The following DVL3 variants were observed in gnomAD, a reference collection of about 807,000 sequenced individuals.
DVL3 encodes the protein segment polarity protein dishevelled homolog DVL-3.
DVL3 carries 27 observed loss-of-function variants against 67.4 expected under a neutral mutation model. That is an observed-to-expected ratio of 0.40 (90% CI 0.30 to 0.55). The LOEUF (loss-of-function observed/expected upper bound fraction) is 0.55. Among genes scored for constraint, DVL3 ranks in the 20% least tolerant of loss-of-function variants. The pLI is 0.46. For synonymous variants in DVL3, 369 were observed against 396.8 expected (o/e 0.93, Z 0.83); for missense variants, 819 against 1,021.5 (o/e 0.80, Z 2.70).
Position 184,166,786 on chromosome 3 carries a change from G to A in DVL3, c.1049-40G>A. 6.2e-7 allele frequency: 1 copy of A among 1,613,430 alleles called. No individual in the cohort carries two copies. Among genetic ancestry groups the A allele is most frequent in the Non-Finnish European group, 8.5e-7 (1 of 1,179,660 alleles). On this transcript the variant is annotated intron_variant, in intron 10 of 14. Coordinates refer to ENST00000313143, the MANE Select transcript of DVL3 (RefSeq NM_004423.4). This position sits in a 1 kb window ranked among gnomAD's most constrained non-coding sequence, Gnocchi z 6.7. ...ATCTATCCTGTTGGGCCCAGCAGTG[G>A]GTGGGGTGGGTAGCCCATGACTCCT...
At position 184,165,169 on chromosome 3, in the gene DVL3, G is replaced by A. The variant is rs527755037; in HGVS notation, c.656G>A (p.Arg219Gln). ...TCACGCCTGATGAGAAGACACAAGC[G>A]GCGGCGGCGGAAGCAGAAGGTTTCT... ...SASRLMRRHK[R>Q]RRRKQKVSRI... Residue 219 changes from arginine to glutamine, a missense_variant, in exon 6 of 15, where the codon CGG becomes CAG. Coordinates refer to ENST00000313143, the MANE Select transcript of DVL3 (RefSeq NM_004423.4). The surrounding 1 kb of genome is among the most constrained non-coding windows in gnomAD (Gnocchi z 4.1). The A allele has an allele frequency of 5.0e-6, 8 of 1,604,162 alleles. No homozygotes were observed. In the East Asian group the frequency reaches 6.7e-5, roughly 13 times the overall value.
chr3:184,166,069 C>T lies in DVL3; in HGVS notation c.764-57C>T. On this transcript the variant is annotated intron_variant, in intron 7 of 14. Coordinates refer to ENST00000313143, the MANE Select transcript of DVL3 (RefSeq NM_004423.4). The surrounding 1 kb of genome is among the most constrained non-coding windows in gnomAD (Gnocchi z 6.7). ...CTGTCCCTTTCCATTTTCTAATGGG[C>T]TGGGAATGCGGGTAGGAACCTTGCT... is the stretch of plus-strand genomic sequence containing the variant. 1.3e-6 allele frequency: 2 copies of T among 1,588,504 alleles called. No homozygotes were observed. Among genetic ancestry groups the T allele is most frequent in the Non-Finnish European group, 1.7e-6 (2 of 1,170,194 alleles).
intron 1 of DVL3, chr3:184,157,163 G>A (rs1483886360): frequency 1.3e-5 from 2 of 152,806 alleles, no homozygotes; most frequent in African/African-American, 4.8e-5. Context: ...GGTGCTCCTG[G>A]TGTGATAATG....
Position 184,164,460 on chromosome 3 carries a change from G to A in DVL3, c.354-32G>A, listed in dbSNP as rs770288075. On this transcript the variant is annotated intron_variant, in intron 3 of 14. Coordinates refer to ENST00000313143, the MANE Select transcript of DVL3 (RefSeq NM_004423.4). This position sits in a 1 kb window ranked among gnomAD's most constrained non-coding sequence, Gnocchi z 5.3. ...GGCTGGGGGAGGGAGCCCCCAGCCT[G>A]CCCCCTCCCCCATCAAGTCTCTTCC... The A allele has an allele frequency of 6.3e-6, 10 of 1,598,454 alleles. No individual in the cohort carries two copies. Among genetic ancestry groups the A allele is most frequent in the Non-Finnish European group, 5.1e-6 (6 of 1,172,148 alleles).
rs995863020 is a variant in DVL3, at chr3:184,163,851, A to G, written c.231+125A>G. 7 of 819,170 alleles carry G rather than the reference A, an allele frequency of 8.5e-6. No individual in the cohort carries two copies. The highest frequency in any genetic ancestry group is 2.5e-5 in the East Asian group (1 of 39,600). 50.7% of individuals were successfully genotyped at this position (819,170 alleles called of 1,614,324 possible). On this transcript the variant is annotated intron_variant, in intron 2 of 14. Transcript: ENST00000313143. The surrounding 1 kb of genome is among the most constrained non-coding windows in gnomAD (Gnocchi z 4.5). ...ATCTGAATCTTTCTTTAGTTTTGCAAATGAACTGCTTCTCACCCCAGATTC... is the reference window on the plus strand; with the variant it reads ...ATCTGAATCTTTCTTTAGTTTTGCAGATGAACTGCTTCTCACCCCAGATTC...
chr3:184,164,857 C>G lies in DVL3; in HGVS notation c.525C>G (p.Ser175Arg), dbSNP rs1315896666. The G allele has an allele frequency of 6.2e-7, 1 of 1,614,198 alleles. No homozygotes were observed. Residue 175 changes from serine (S) to arginine (R), a missense_variant, in exon 5 of 15, where the codon AGC becomes AGG. This residue lies in a region of DVL3 where 385 missense variants were observed against 486.8 expected (regional missense o/e 0.79). Transcript: ENST00000313143. This position sits in a 1 kb window ranked among gnomAD's most constrained non-coding sequence, Gnocchi z 5.3. ...GGCGAGAACCAGGGGGTTATGATAG[C>G]TCATCCACCCTTATGAGCAGTGAGC... ...ERRREPGGYD[S>R]SSTLMSSELE... is the part of the protein sequence containing the mutation.
chr3:184,170,384 G>C lies in DVL3; in HGVS notation c.1780G>C (p.Gly594Arg). The C allele has an allele frequency of 6.2e-7, 1 of 1,604,648 alleles. No individual in the cohort carries two copies. Among genetic ancestry groups the C allele is most frequent in the Non-Finnish European group, 8.5e-7 (1 of 1,175,940 alleles). Residue 594 changes from glycine to arginine, a missense_variant, in exon 15 of 15, where the codon GGG becomes CGG. Physicochemically the swap from Gly to Arg is moderately radical, Grantham distance 125 (BLOSUM62 -2). Around this residue, in one of 3 missense-constraint regions of DVL3, gnomAD observed 324 missense variants for 331.3 expected, o/e 0.98. Transcript: ENST00000313143. The surrounding 1 kb of genome is among the most constrained non-coding windows in gnomAD (Gnocchi z 6.5). Reference protein sequence around the residue: ...DRRKEKDPKAGDSKSGGSGSE... With the variant: ...DRRKEKDPKARDSKSGGSGSE... ...GAGGAAGGAGAAGGACCCGAAGGCC[G>C]GGGACTCCAAGTCCGGGGGCAGCGG...
At chr3:184,158,563 C>T (rs1381104225) in intron 1 of DVL3, among the ~76,000 whole-genome samples, 1 of 152,050 alleles carries the variant, frequency 6.6e-6, no homozygotes, top group Non-Finnish European at 1.5e-5. Context: ...ACAAGGCCAC[C>T]ATTTCTCCGA....
chr3:184,166,953 C>T lies in DVL3; in HGVS notation c.1176C>T (p.Thr392=). Reference sequence around the variant, plus strand: ...TCACCTCCACCAGCTCCTCCATCACCAGTTCCATCCCTGACACAGAGCGTG... The same window carrying T: ...TCACCTCCACCAGCTCCTCCATCACTAGTTCCATCCCTGACACAGAGCGTG... ...STITSTSSSI[T]SSIPDTERLD... Residue 392 remains threonine (T), a synonymous_variant, in exon 11 of 15, where the codon ACC becomes ACT. Coordinates refer to ENST00000313143, the MANE Select transcript of DVL3 (RefSeq NM_004423.4). The surrounding 1 kb of genome is among the most constrained non-coding windows in gnomAD (Gnocchi z 6.7). 1 of 1,614,140 alleles carries T rather than the reference C, an allele frequency of 6.2e-7. No individual in the cohort carries two copies. The highest frequency in any genetic ancestry group is 1.1e-5 in the South Asian group (1 of 91,078).
chr3:184,166,497 C>T lies in DVL3; in HGVS notation c.955C>T (p.Leu319=). ...GAGTAATGACGATGCAGTCCGGGTA[C>T]TGCGGGAGATTGTGCACAAACCGGG... ...NMSNDDAVRV[L]REIVHKPGPI... The change falls in exon 9 of 15, where the codon CTG becomes TTG. Residue 319 remains leucine, a synonymous_variant. Transcript: ENST00000313143. The surrounding 1 kb of genome is among the most constrained non-coding windows in gnomAD (Gnocchi z 6.7). The T allele has an allele frequency of 2.5e-6, 4 of 1,614,198 alleles. No homozygotes were observed. Among genetic ancestry groups the T allele is most frequent in the Non-Finnish European group, 3.4e-6 (4 of 1,180,046 alleles).
At chr3:184,160,987 C>T (rs891049143) in intron 1 of DVL3, among the ~76,000 whole-genome samples, 3 of 152,168 alleles carry the variant, frequency 2.0e-5, no homozygotes, top group Admixed American at 6.5e-5. Context: ...TTCCGAGGGT[C>T]GCTGTGGCTC....
In DVL3 at chr3:184,166,614, C is replaced by T. The variant is rs369490830; in HGVS notation, c.989C>T (p.Thr330Ile). ...GACACCCTTGTTTTCAGGCCCATCACCCTGACTGTAGCCAAGTGCTGGGAC... is the reference window on the plus strand; with the variant it reads ...GACACCCTTGTTTTCAGGCCCATCATCCTGACTGTAGCCAAGTGCTGGGAC... Reference protein sequence around the residue: ...REIVHKPGPITLTVAKCWDPS... With the variant: ...REIVHKPGPIILTVAKCWDPS... Residue 330 changes from threonine (T) to isoleucine (I), a missense_variant, in exon 10 of 15, where the codon ACC becomes ATC. Thr to Ile is a moderately conservative substitution (Grantham distance 89). Around this residue, in one of 3 missense-constraint regions of DVL3, gnomAD observed 385 missense variants for 486.8 expected, o/e 0.79. Coordinates refer to ENST00000313143, the MANE Select transcript of DVL3 (RefSeq NM_004423.4). The surrounding 1 kb of genome is among the most constrained non-coding windows in gnomAD (Gnocchi z 6.7). 20 of 1,614,206 alleles carry T rather than the reference C, an allele frequency of 1.2e-5. No individual in the cohort carries two copies. The African/African-American group carries it at 2.4e-4, about 19-fold the overall frequency.
chr3:184,165,189 G>A lies in DVL3; in HGVS notation c.676G>A (p.Val226Ile). 1 of 1,600,240 alleles carries A rather than the reference G, an allele frequency of 6.2e-7. No individual in the cohort carries two copies. The highest frequency in any genetic ancestry group is 1.1e-5 in the South Asian group (1 of 88,976). Residue 226 changes from valine (V) to isoleucine (I), a missense_variant, in exon 6 of 15, where the codon GTT becomes ATT. This residue lies in a region of DVL3 where 385 missense variants were observed against 486.8 expected (regional missense o/e 0.79). Transcript: ENST00000313143. This position sits in a 1 kb window ranked among gnomAD's most constrained non-coding sequence, Gnocchi z 4.1. ...CAAGCGGCGGCGGCGGAAGCAGAAGGTTTCTCGGATTGAGCGGGTATGGGG... is the reference window on the plus strand; with the variant it reads ...CAAGCGGCGGCGGCGGAAGCAGAAGATTTCTCGGATTGAGCGGGTATGGGG... ...RHKRRRRKQK[V>I]SRIERSSSFS...
chr3:184,169,849 G>A (rs1714741822), intron 13 of DVL3, among the ~76,000 whole-genome samples, 157 bp from the exon 14 acceptor site: 2 of 152,186 alleles, frequency 1.3e-5, no homozygotes, highest in Admixed American at 1.3e-4. Context: ...TCTGGTGGTG[G>A]CAAAGGGGGT....
Position 184,171,323 on chromosome 3 carries a change from C to T in DVL3, c.*568C>T. ...TGCAACCTAAAGCTGTAGTCGCCTC[C>T]AATAGCCATCCATGCCATCCCTGCC... On this transcript the variant is annotated 3_prime_UTR_variant, in exon 15 of 15. Coordinates refer to ENST00000313143, the MANE Select transcript of DVL3 (RefSeq NM_004423.4). 9.8e-7 allele frequency: 1 copy of T among 1,018,484 alleles called. No homozygotes were observed. Among genetic ancestry groups the T allele is most frequent in the South Asian group, 3.7e-5 (1 of 27,036 alleles). The allele number at this position is 1,018,484 out of a possible 1,614,324, so 63.1% of individuals were successfully genotyped here.
rs965547708 is a variant in DVL3, at chr3:184,165,269, C to G, written c.693+63C>G. On this transcript the variant is annotated intron_variant, in intron 6 of 14. Coordinates refer to ENST00000313143, the MANE Select transcript of DVL3 (RefSeq NM_004423.4). This position sits in a 1 kb window ranked among gnomAD's most constrained non-coding sequence, Gnocchi z 4.1. ...ATTGTGAGCCCTTCCTACGCAGGGC[C>G]AAGGCTTGTTCTTCCTTAGATCCCA... The G allele has an allele frequency of 4.5e-6, 7 of 1,546,956 alleles. No homozygotes were observed. The highest frequency in any genetic ancestry group is 1.2e-5 in the South Asian group (1 of 82,244).
chr3:184,156,231 C>T, intron 1 of DVL3: 2 of 441,194 alleles, frequency 4.5e-6, no homozygotes, highest in Admixed American at 2.4e-5. Flanking sequence ...TTCAGCAGCA[C>T]AGCTCCCAGC....
At position 184,170,507 on chromosome 3, in the gene DVL3, C is replaced by T. The variant is rs765860659; in HGVS notation, c.1903C>T (p.Arg635Cys). 2.5e-6 allele frequency: 4 copies of T among 1,604,576 alleles called. No individual in the cohort carries two copies. Among genetic ancestry groups the T allele is most frequent in the African/African-American group, 1.3e-5 (1 of 74,804 alleles). The part of the protein sequence containing the change: ...SGPAASEHSH[R>C]SHHSLASSLR... ...GCCGGCGGCCAGCGAGCACAGCCACCGCAGCCACCATTCCCTGGCCAGCAG... is the reference window on the plus strand; with the variant it reads ...GCCGGCGGCCAGCGAGCACAGCCACTGCAGCCACCATTCCCTGGCCAGCAG... The change falls in exon 15 of 15, where the codon CGC becomes TGC. Residue 635 changes from arginine (R) to cysteine (C), a missense_variant. Physicochemically the swap from Arg to Cys is radical, Grantham distance 180. This residue lies in a region of DVL3 where 324 missense variants were observed against 331.3 expected (regional missense o/e 0.98). Transcript: ENST00000313143. This position sits in a 1 kb window ranked among gnomAD's most constrained non-coding sequence, Gnocchi z 6.5.
Position 184,166,435 on chromosome 3 carries a change from T to A in DVL3, c.904-11T>A, listed in dbSNP as rs11914408. 1 of 1,614,118 alleles carries A rather than the reference T, an allele frequency of 6.2e-7. No individual in the cohort carries two copies. The highest frequency in any genetic ancestry group is 1.7e-5 in the Admixed American group (1 of 60,018). On this transcript the variant is annotated splice_polypyrimidine_tract_variant and intron_variant, in intron 8 of 14. Coordinates refer to ENST00000313143, the MANE Select transcript of DVL3 (RefSeq NM_004423.4). This position sits in a 1 kb window ranked among gnomAD's most constrained non-coding sequence, Gnocchi z 6.7. ...GCACAGCTGTTTATCCCACTCCTGG[T>A]CCTTTCCCAGGTAAACGAGATCAAC...
Sources: gnomAD v4.1 joint callset for allele counts (sites outside exome capture counted in the v4.1 genomes callset) on GRCh38, gnomAD v4.1.1 for gene constraint, gnomAD v4.1.1 regional missense constraint, Gnocchi (gnomAD v3.1) non-coding constraint, MANE v1.5 for transcripts, NCBI Gene and HGNC (gene_info 2026-07-23, HGNC 2026-07-21) for gene names.